Variants in TEKT5 observed in about 807,000 individuals in gnomAD.
The protein encoded by TEKT5 is tektin-5.
In TEKT5, 52 loss-of-function variants were observed where a neutral mutation model predicts 48.7. The observed-to-expected ratio is 1.07, with a 90% CI of 0.86 to 1.35. The LOEUF is 1.35. TEKT5 is among the 40% of genes most tolerant of loss of function. The probability of loss-of-function intolerance (pLI) is 0.00; values close to 1 mark genes in which losing one functional copy is unlikely to be tolerated. For synonymous variants in TEKT5, 318 were observed against 267.6 expected (o/e 1.19, Z -1.84); for missense variants, 831 against 641.6 (o/e 1.30, Z -3.19).
At chr16:10,679,596 C>T (rs1898708711) in intron 4 of TEKT5, among the ~76,000 whole-genome samples, 1 of 152,040 alleles carries the variant, frequency 6.6e-6, no homozygotes, top group Admixed American at 6.6e-5. Context: ...CATAGCCCTG[C>T]TTTAAGAAAA....
chr16:10,675,978 A>C lies in TEKT5; in HGVS notation c.1067T>G (p.Leu356Arg), dbSNP rs756311623. 1.2e-6 allele frequency: 2 copies of C among 1,614,174 alleles called. No homozygotes were observed. The highest frequency in any genetic ancestry group is 4.5e-5 in the East Asian group (2 of 44,878). Residue 356 changes from leucine to arginine, a missense_variant, in exon 5 of 7, where the codon CTG becomes CGG. Physicochemically the swap from Leu to Arg is moderately radical, Grantham distance 102 (BLOSUM62 -2). Coordinates refer to ENST00000283025, the MANE Select transcript of TEKT5 (RefSeq NM_144674.2). ...ISEVTDVKNKLQTQLAKTLQE... is the reference protein window; with the variant it reads ...ISEVTDVKNKRQTQLAKTLQE... The stretch of plus-strand genomic sequence containing the variant: ...GCTCACCTTCGCCAGCTGCGTCTGC[A>C]GCTTATTCTTCACATCCGTCACCTC...
At chr16:10,664,965 T>C (rs1363316288) in intron 5 of TEKT5, among the ~76,000 whole-genome samples, 1 of 152,144 alleles carries the variant, frequency 6.6e-6, no homozygotes, top group East Asian at 1.9e-4. Context: ...AGGAAAAAAC[T>C]GAAGCACAGA....
chr16:10,655,228 C>T (rs191106082), intron 5 of TEKT5, among the ~76,000 whole-genome samples: 4 of 152,154 alleles, frequency 2.6e-5, no homozygotes, highest in Admixed American at 2.6e-4. Context: ...AACAATGTTG[C>T]CTTTACAAAC....
Position 10,694,714 on chromosome 16 carries a change from G to C in TEKT5, c.160C>G (p.Leu54Val). ...TGGACGTTGGCTATCTTGTAGAAGA[G>C]GCTAGGCCTCCATGAATTGAGGTAG... The part of the protein sequence containing the change: ...YRYLNSWRPS[L>V]FYKIANVQTC... Residue 54 changes from leucine (L) to valine (V), a missense_variant, in exon 1 of 7, where the codon CTC becomes GTC. By Grantham distance (32) the Leu-to-Val change is conservative. Coordinates refer to ENST00000283025, the MANE Select transcript of TEKT5 (RefSeq NM_144674.2). 6.2e-7 allele frequency: 1 copy of C among 1,614,006 alleles called. No homozygotes were observed. The highest frequency in any genetic ancestry group is 1.1e-5 in the South Asian group (1 of 91,072).
intron 6 of TEKT5, among the ~76,000 whole-genome samples, chr16:10,634,658 G>A (rs62025768): frequency 0.1 from 15,293 of 152,136 alleles, 854 homozygotes; most frequent in Middle Eastern, 0.13. Flanking sequence ...CACTTCCATG[G>A]TTAGGTTACA....
At chr16:10,662,880 G>C (rs960913422) in intron 5 of TEKT5, among the ~76,000 whole-genome samples, 1 of 152,190 alleles carries the variant, frequency 6.6e-6, no homozygotes, top group African/African-American at 2.4e-5. Context: ...GGAAAGATAA[G>C]CTCACCTAAG....
intron 5 of TEKT5, among the ~76,000 whole-genome samples, chr16:10,652,207 C>T (rs546947825): frequency 2.0e-5 from 3 of 152,176 alleles, no homozygotes; most frequent in Non-Finnish European, 4.4e-5. Flanking sequence ...GTATGGAACC[C>T]CTTCACTGCC....
chr16:10,635,585 G>C (rs558380907), intron 6 of TEKT5, among the ~76,000 whole-genome samples, 179 bp downstream of exon 6: 6 of 152,106 alleles, frequency 3.9e-5, no homozygotes, highest in Non-Finnish European at 5.9e-5. Context: ...GGTACAGCCC[G>C]AGCTGCATCT....
At chr16:10,690,889 G>A (rs1298326605) in intron 1 of TEKT5, 1 of 670,650 alleles carries the variant, frequency 1.5e-6, no homozygotes, top group East Asian at 1.4e-4. Flanking sequence ...TGAGAACTCA[G>A]AAATGGGAGG....
chr16:10,636,231 C>T (rs1318834108), intron 5 of TEKT5, among the ~76,000 whole-genome samples: 2 of 152,016 alleles, frequency 1.3e-5, no homozygotes, highest in Admixed American at 6.6e-5. Flanking sequence ...AAAAATTAGC[C>T]GGGCGTGGTG....
intron 5 of TEKT5, among the ~76,000 whole-genome samples, chr16:10,639,244 T>A (rs141288825): frequency 0.013 from 2,001 of 152,146 alleles, 52 homozygotes; most frequent in African/African-American, 0.046. Flanking sequence ...GAGTTCAAGG[T>A]TGCAGTGAGC....
chr16:10,673,267 A>C (rs1174814823), intron 5 of TEKT5, among the ~76,000 whole-genome samples: 1 of 152,196 alleles, frequency 6.6e-6, no homozygotes, highest in Non-Finnish European at 1.5e-5. Flanking sequence ...TCAAAACTAC[A>C]ACCTGTGGAC....
chr16:10,627,595 C>CA lies in TEKT5; in HGVS notation c.1445dup (p.His484ProfsTer15). 1.2e-6 allele frequency: 2 copies of CA among 1,614,130 alleles called. No homozygotes were observed. The highest frequency in any genetic ancestry group is 1.7e-6 in the Non-Finnish European group (2 of 1,179,968). ...GCCAGGGCGGTGCTCAGGTGTGGCC[C>CA]ACCAGGCGCGGGGTGCAGGGGAAGG... On this transcript the variant is annotated frameshift_variant, in exon 7 of 7. Transcript: ENST00000283025. LOFTEE classifies it high-confidence loss of function.
chr16:10,689,506 T>C (rs900892157), intron 2 of TEKT5, among the ~76,000 whole-genome samples, 183 bp from the exon 3 acceptor site: 5 of 147,264 alleles, frequency 3.4e-5, no homozygotes, highest in African/African-American at 7.5e-5. Context: ...TAAGGGTTGA[T>C]TGTGGAGGCT....
rs192159879 is a variant in TEKT5 at position 10,680,257 on chromosome 16, C to T, written c.863+1736G>A. Among the ~76,000 whole-genome samples the T allele has an allele frequency of 2.2e-3, 339 of 152,362 alleles. 1 individual carries two copies. The highest frequency in any genetic ancestry group is 7.8e-3 in the African/African-American group (326 of 41,592). ...TACCAGAAGTCCCAAAGGGTCACCT[C>T]AGCACTGTGACATTTGTAAGATCCA... is the stretch of plus-strand genomic sequence containing the variant. On this transcript the variant is annotated intron_variant, in intron 4 of 6. Transcript: ENST00000283025.
intron 5 of TEKT5, among the ~76,000 whole-genome samples, chr16:10,652,132 T>G (rs1009912163): frequency 2.6e-5 from 4 of 152,076 alleles, no homozygotes; most frequent in Admixed American, 6.6e-5. Context: ...TGAGGTTTAG[T>G]GAGACAATCC....
intron 5 of TEKT5, among the ~76,000 whole-genome samples, chr16:10,672,079 T>C (rs1218216721): frequency 2.6e-5 from 4 of 152,170 alleles, no homozygotes; most frequent in East Asian, 1.9e-4. Flanking sequence ...GTTCTGGAGA[T>C]GGATTGTGGT....
chr16:10,633,431 C>A (rs1208919636), intron 6 of TEKT5, among the ~76,000 whole-genome samples: 1 of 152,110 alleles, frequency 6.6e-6, no homozygotes, highest in Non-Finnish European at 1.5e-5. Context: ...GGGGTTCAGC[C>A]TGAGCATCGA....
At chr16:10,670,671 T>C (rs1350879885) in intron 5 of TEKT5, among the ~76,000 whole-genome samples, 2 of 152,186 alleles carry the variant, frequency 1.3e-5, no homozygotes, top group Non-Finnish European at 2.9e-5. Flanking sequence ...AAATCCTTGC[T>C]CAGGAAAATG....
Sources: allele counts gnomAD v4.1 joint callset (sites outside exome capture counted in the v4.1 genomes callset), GRCh38; gene constraint gnomAD v4.1.1; transcripts MANE v1.5; gene names NCBI Gene and HGNC (gene_info 2026-07-23, HGNC 2026-07-21).